Variants in C17orf67 observed in about 807,000 individuals in gnomAD.
C17orf67 encodes the protein uncharacterized protein C17orf67.
C17orf67 carries 12 observed loss-of-function variants against 11.2 expected under a neutral mutation model. The observed-to-expected ratio is 1.07, with a 90% CI of 0.68 to 1.73. C17orf67 has a LOEUF of 1.73. C17orf67 is among the 40% of genes most tolerant of loss of function. The pLI is 0.00. For synonymous variants in C17orf67, 59 were observed against 46.9 expected (o/e 1.26, Z -1.05); for missense variants, 115 against 113.5 (o/e 1.01, Z -0.06).
At chr17:56,831,912 T>A (rs1358913023) in intron 2 of C17orf67, among the ~76,000 whole-genome samples, 1 of 152,086 alleles carries the variant, frequency 6.6e-6, no homozygotes, top group African/African-American at 2.4e-5. Flanking sequence ...GGTCCATCCT[T>A]CCCCCTATAT....
intron 4 of C17orf67, among the ~76,000 whole-genome samples, chr17:56,817,919 G>A (rs1905799734): frequency 6.6e-6 from 1 of 150,604 alleles, no homozygotes; most frequent in African/African-American, 2.4e-5. Flanking sequence ...ACTTGGCTCA[G>A]TACAGCCTCA....
intron 2 of C17orf67, among the ~76,000 whole-genome samples, chr17:56,828,948 T>G (rs974978970): frequency 6.6e-6 from 1 of 151,986 alleles, no homozygotes; most frequent in Non-Finnish European, 1.5e-5. Flanking sequence ...TTGTAGATGC[T>G]TATAAGGTGA....
At chr17:56,814,311 T>C (rs1340596018) in intron 6 of C17orf67, among the ~76,000 whole-genome samples, 3 of 152,108 alleles carry the variant, frequency 2.0e-5, no homozygotes, top group Admixed American at 6.5e-5. Context: ...GGGGCCAGCA[T>C]AGCAGGGTCT....
rs372898015 is a variant in C17orf67, at chr17:56,830,095, G to A, written c.-557+2803C>T. ...GTGGTGGCTCACACCTGTAATCCCA[G>A]CACTTTGGGAGGCTGAGGCAGGCGG... is the stretch of plus-strand genomic sequence containing the variant. On this transcript the variant is annotated intron_variant, in intron 2 of 7. Transcript: ENST00000397861. Among the ~76,000 whole-genome samples, 59 of 152,242 alleles carry A rather than the reference G, an allele frequency of 3.9e-4. No individual in the cohort carries two copies. In the South Asian group the frequency reaches 8.5e-3, roughly 22 times the overall value.
intron 2 of C17orf67, among the ~76,000 whole-genome samples, chr17:56,829,648 G>A (rs1906139416): frequency 6.6e-6 from 1 of 152,154 alleles, no homozygotes; most frequent in Non-Finnish European, 1.5e-5. Context: ...CCCTTTTTGT[G>A]TTGAAGTTTC....
intron 6 of C17orf67, among the ~76,000 whole-genome samples, chr17:56,801,775 T>G (rs184962271): frequency 6.6e-6 from 1 of 152,140 alleles, no homozygotes; most frequent in Non-Finnish European, 1.5e-5. Flanking sequence ...AGAATAGTAA[T>G]TGGGAGGAAC....
At chr17:56,807,903 TAATAAATAAATAAATAAATA>T (rs58915926) in intron 6 of C17orf67, among the ~76,000 whole-genome samples, 17 of 144,424 alleles carry the variant, frequency 1.2e-4, no homozygotes, top group South Asian at 6.6e-4. Flanking sequence ...AATAAATAAA[TAATAAATAAATAAATAAATA>T]AATAAATAAA....
chr17:56,806,489 T>C (rs1597990989), intron 6 of C17orf67, among the ~76,000 whole-genome samples: 1 of 152,218 alleles, frequency 6.6e-6, no homozygotes, highest in African/African-American at 2.4e-5. Flanking sequence ...GAAATTTACA[T>C]GCATATCCAT....
At chr17:56,828,366 T>C (rs973814321) in intron 2 of C17orf67, among the ~76,000 whole-genome samples, 6 of 149,876 alleles carry the variant, frequency 4.0e-5, no homozygotes, top group Admixed American at 2.0e-4. Flanking sequence ...GATCACACCA[T>C]TGCACTCCAG....
intron 2 of C17orf67, among the ~76,000 whole-genome samples, chr17:56,827,864 A>T (rs1906080442): frequency 6.6e-6 from 1 of 152,178 alleles, no homozygotes; most frequent in South Asian, 2.1e-4. Flanking sequence ...AGTATTTAAC[A>T]CACCTCAGAC....
chr17:56,795,424 G>A (rs1318870561), intron 6 of C17orf67: 1 of 511,072 alleles, frequency 2.0e-6, no homozygotes, highest in Non-Finnish European at 3.5e-6. Context: ...GAAAACATGG[G>A]ACAACAACTT....
chr17:56,809,979 T>C (rs530293495), intron 6 of C17orf67, among the ~76,000 whole-genome samples: 9 of 124,416 alleles, frequency 7.2e-5, no homozygotes, highest in African/African-American at 2.8e-4. Flanking sequence ...ACACAATCCT[T>C]GCACAGACCC....
Position 56,832,919 on chromosome 17 carries a change from T to A in C17orf67, c.-578A>T, listed in dbSNP as rs78033081. Reference sequence around the variant, plus strand: ...ATACACGTATATATACATCTATATGTGTATTCTTAATGAATGTTATGTCTT... The same window carrying A: ...ATACACGTATATATACATCTATATGAGTATTCTTAATGAATGTTATGTCTT... On this transcript the variant is annotated 5_prime_UTR_variant, in exon 2 of 8. Coordinates refer to ENST00000397861, the MANE Select transcript of C17orf67 (RefSeq NM_001085430.4). The A allele has an allele frequency of 0.038, 5,827 of 152,364 alleles. 168 individuals are homozygous for A. The highest frequency in any genetic ancestry group is 0.053 in the Non-Finnish European group (3,578 of 68,038). The allele number at this position is 152,364 out of a possible 1,614,324, so 9.4% of individuals were successfully genotyped here.
chr17:56,795,732 A>G (rs1410554607), intron 6 of C17orf67, among the ~76,000 whole-genome samples: 2 of 152,240 alleles, frequency 1.3e-5, no homozygotes, highest in East Asian at 3.8e-4. Flanking sequence ...TTGTCATAGC[A>G]AAACACTGGA....
intron 6 of C17orf67, among the ~76,000 whole-genome samples, chr17:56,807,515 G>T (rs563073190): frequency 1.3e-5 from 2 of 152,136 alleles, no homozygotes; most frequent in African/African-American, 4.8e-5. Context: ...GGTAAGGCCC[G>T]TGCAGCCCAG....
intron 6 of C17orf67, among the ~76,000 whole-genome samples, chr17:56,812,066 C>A (rs561662341): frequency 4.6e-5 from 7 of 152,246 alleles, no homozygotes; most frequent in Non-Finnish European, 1.0e-4. Context: ...AGAATGTAAC[C>A]AAAGTTAAGA....
chr17:56,810,484 CACAT>C (rs1905596200), intron 6 of C17orf67, among the ~76,000 whole-genome samples: 2 of 152,144 alleles, frequency 1.3e-5, no homozygotes, highest in African/African-American at 4.8e-5. Flanking sequence ...CACACATACA[CACAT>C]ACACAATACT....
Position 56,795,095 on chromosome 17 carries a change from T to G in C17orf67, c.242A>C (p.His81Pro). The stretch of plus-strand genomic sequence containing the variant: ...AGGATGAATCCTGTTCCTGTCACAG[T>G]GGGGTTTGCAGTGAGGGTTCAGCCA... ...EHWLNPHCKP[H>P]CDRNRIHPV The change falls in exon 7 of 8, where the codon CAC (histidine) becomes CCC (proline). Residue 81 changes from histidine (H) to proline (P), a missense_variant. Physicochemically the swap from His to Pro is moderately conservative, Grantham distance 77. Transcript: ENST00000397861. 1.2e-6 allele frequency: 2 copies of G among 1,613,968 alleles called. No individual in the cohort carries two copies. The highest frequency in any genetic ancestry group is 1.7e-6 in the Non-Finnish European group (2 of 1,179,932).
At chr17:56,810,710 T>C (rs1366245689) in intron 6 of C17orf67, among the ~76,000 whole-genome samples, 2 of 152,230 alleles carry the variant, frequency 1.3e-5, no homozygotes, top group African/African-American at 4.8e-5. Context: ...TGGGCCCGTA[T>C]GGCAGCTCTA....
Sources: gnomAD v4.1 joint callset for allele counts (sites outside exome capture counted in the v4.1 genomes callset) on GRCh38, gnomAD v4.1.1 for gene constraint, MANE v1.5 for transcripts, NCBI Gene and HGNC (gene_info 2026-07-23, HGNC 2026-07-21) for gene names.